Variants in ME3 observed in about 807,000 individuals in gnomAD.
ME3 encodes the protein NADP-dependent malic enzyme, mitochondrial.
Under a neutral mutation model 68.9 loss-of-function variants are expected in ME3, and 48 were observed. The observed-to-expected ratio is 0.70, with a 90% CI of 0.55 to 0.89. The LOEUF (loss-of-function observed/expected upper bound fraction) is 0.89, where lower values mean the gene tolerates loss of function less well. ME3 is among the 40% of genes least tolerant of loss of function. The probability of loss-of-function intolerance (pLI) is 0.00; values close to 1 mark genes in which losing one functional copy is unlikely to be tolerated. For synonymous variants in ME3, 320 were observed against 318.8 expected (o/e 1.00, Z -0.04); for missense variants, 675 against 797.4 (o/e 0.85, Z 1.85).
intron 2 of ME3, among the ~76,000 whole-genome samples, chr11:86,650,547 GCTAT>G (rs1423581471): frequency 6.6e-6 from 1 of 152,164 alleles, no homozygotes; most frequent in African/African-American, 2.4e-5. Context: ...GAAAATTTTT[GCTAT>G]CTATCCATCT....
At chr11:86,608,434 G>A (rs974089181) in intron 2 of ME3, among the ~76,000 whole-genome samples, 1 of 152,140 alleles carries the variant, frequency 6.6e-6, no homozygotes, top group Non-Finnish European at 1.5e-5. Context: ...GAATCGATTC[G>A]GGGAAATGAT....
chr11:86,528,110 C>A (rs1442823944), intron 4 of ME3, among the ~76,000 whole-genome samples: 1 of 152,136 alleles, frequency 6.6e-6, no homozygotes, highest in Non-Finnish European at 1.5e-5. Context: ...TCAGGAAACC[C>A]ATCTCACGTG....
rs546039169 is a variant in ME3, at chr11:86,554,171, C to T, written c.467+2382G>A. On this transcript the variant is annotated intron_variant, in intron 4 of 14. Coordinates refer to ENST00000543262, the Ensembl canonical transcript of ME3. ...CCTGTTGCATATGCAAGGTCCTAAC[C>T]CTTCTACTAGTTCATCTGGAACCAC... is the stretch of plus-strand genomic sequence containing the variant. Among the ~76,000 whole-genome samples, 14 of 152,292 alleles carry T rather than the reference C, an allele frequency of 9.2e-5. No homozygotes were observed. In the South Asian group the frequency reaches 2.7e-3, roughly 29 times the overall value.
At chr11:86,468,247 A>G (rs1950592960) in intron 7 of ME3, among the ~76,000 whole-genome samples, 1 of 152,196 alleles carries the variant, frequency 6.6e-6, no homozygotes, top group African/African-American at 2.4e-5. Flanking sequence ...ATCCAGTCTG[A>G]ACCAAAGGTG....
intron 2 of ME3, among the ~76,000 whole-genome samples, chr11:86,598,849 G>C (rs891018813): frequency 6.6e-6 from 1 of 152,196 alleles, no homozygotes; most frequent in African/African-American, 2.4e-5. Flanking sequence ...AGGGTCTGGA[G>C]TGGACCTCTA....
chr11:86,652,687 T>TA (rs913230890), intron 2 of ME3, among the ~76,000 whole-genome samples: 10 of 151,668 alleles, frequency 6.6e-5, no homozygotes, highest in African/African-American at 2.4e-4. Context: ...CTGCATCAAC[T>TA]AATGAGCAAA....
At chr11:86,657,371 G>C (rs1193107221) in intron 2 of ME3, among the ~76,000 whole-genome samples, 3 of 148,178 alleles carry the variant, frequency 2.0e-5, no homozygotes, top group Non-Finnish European at 1.5e-5. Context: ...CACAGGAACA[G>C]CAAACCAAAC....
At chr11:86,525,558 G>A (rs1954667962) in intron 4 of ME3, among the ~76,000 whole-genome samples, 1 of 151,624 alleles carries the variant, frequency 6.6e-6, no homozygotes, top group Admixed American at 6.6e-5. Flanking sequence ...AAAAGATTCA[G>A]TTCACCTTTA....
chr11:86,518,312 C>G (rs1374936626), intron 4 of ME3, among the ~76,000 whole-genome samples: 2 of 152,152 alleles, frequency 1.3e-5, no homozygotes, highest in Non-Finnish European at 2.9e-5. Context: ...CCTCTCCATA[C>G]CAGGTGAGAA....
chr11:86,649,750 C>A (rs976463811), intron 2 of ME3, among the ~76,000 whole-genome samples: 1 of 152,146 alleles, frequency 6.6e-6, no homozygotes, highest in East Asian at 1.9e-4. Flanking sequence ...ATACAACTTA[C>A]AAGGATGTGA....
chr11:86,554,292 C>T (rs1196268451), intron 4 of ME3, among the ~76,000 whole-genome samples: 1 of 152,134 alleles, frequency 6.6e-6, no homozygotes, highest in African/African-American at 2.4e-5. Flanking sequence ...ACTTGAATTT[C>T]CATTAGATCT....
chr11:86,543,127 C>A (rs1450740403), intron 4 of ME3, among the ~76,000 whole-genome samples: 1 of 152,180 alleles, frequency 6.6e-6, no homozygotes, highest in Non-Finnish European at 1.5e-5. Context: ...CACCCTCAGG[C>A]CTGTCTTACA....
chr11:86,585,632 G>A (rs1196191355), intron 2 of ME3, among the ~76,000 whole-genome samples: 2 of 152,176 alleles, frequency 1.3e-5, no homozygotes, highest in African/African-American at 2.4e-5. Flanking sequence ...CATTTATCTG[G>A]AGGTGTTAGT....
At chr11:86,534,824 C>G (rs1037448864) in intron 4 of ME3, among the ~76,000 whole-genome samples, 2 of 152,118 alleles carry the variant, frequency 1.3e-5, no homozygotes, top group Non-Finnish European at 2.9e-5. Flanking sequence ...CTCTCTGAGG[C>G]TTTTGTTTTC....
chr11:86,435,384 G>A, the ME3 span: 2 of 152,206 alleles, frequency 1.3e-5, no homozygotes, highest in Non-Finnish European at 2.9e-5. Context: ...AAAGCAATAA[G>A]GACTAGGTGA....
At position 86,671,808 on chromosome 11, in the gene ME3, A is replaced by AG. The variant is rs1002205236; in HGVS notation, c.136dup (p.Leu46ProfsTer23). 1.2e-6 allele frequency: 2 copies of AG among 1,603,046 alleles called. No individual in the cohort carries two copies. The highest frequency in any genetic ancestry group is 2.7e-5 in the African/African-American group (2 of 73,158). ...GGTGACATCGTATCCGCGCTTCTTC[A>AG]GGGGCACAGGGCGCGCCGGGCCAGG... On this transcript the variant is annotated frameshift_variant, in exon 2 of 15. Transcript: ENST00000543262. LOFTEE classifies it high-confidence loss of function.
At chr11:86,583,897 T>C (rs1958582960) in intron 2 of ME3, among the ~76,000 whole-genome samples, 1 of 152,130 alleles carries the variant, frequency 6.6e-6, no homozygotes, top group Non-Finnish European at 1.5e-5. Flanking sequence ...TTTATGACAT[T>C]GGACTTGGCA....
chr11:86,668,552 A>G (rs1456961941), intron 2 of ME3, among the ~76,000 whole-genome samples: 4 of 152,118 alleles, frequency 2.6e-5, no homozygotes, highest in Admixed American at 6.6e-5. Flanking sequence ...CCTAATATTT[A>G]CCACATGGGG....
chr11:86,490,216 G>A (rs1350134260), intron 6 of ME3, among the ~76,000 whole-genome samples: 2 of 152,208 alleles, frequency 1.3e-5, no homozygotes, highest in South Asian at 2.1e-4. Context: ...CTGGGTACAC[G>A]TAAGATCTGA....
Sources: allele counts gnomAD v4.1 joint callset (sites outside exome capture counted in the v4.1 genomes callset), GRCh38; gene constraint gnomAD v4.1.1; transcripts MANE v1.5; gene names NCBI Gene and HGNC (gene_info 2026-07-23, HGNC 2026-07-21).